Variants in ODAPH observed in about 807,000 individuals in gnomAD.
ODAPH encodes the protein amelogenesis imperfecta type IIA4.
ODAPH carries 2 observed loss-of-function variants against 2.8 expected under a neutral mutation model. That is an observed-to-expected ratio of 0.72 (90% CI 0.30 to 2.28). The LOEUF (loss-of-function observed/expected upper bound fraction) is 2.28. Among genes scored for constraint, ODAPH ranks in the 30% most tolerant of loss-of-function variants. The pLI is 0.13. For missense variants in ODAPH, 159 were observed against 163.3 expected (o/e 0.97, Z 0.14); for synonymous variants, 75 against 60.3 (o/e 1.24, Z -1.13).
rs78499275 is a variant in ODAPH at position 75,559,168 on chromosome 4, G to A, written c.67+3019G>A. Among the ~76,000 whole-genome samples the A allele has an allele frequency of 3.3e-3, 495 of 152,296 alleles. 2 individuals are homozygous for A. Among genetic ancestry groups the A allele is most frequent in the African/African-American group, 0.011 (476 of 41,550 alleles). On this transcript the variant is annotated intron_variant, in intron 1 of 1. Coordinates refer to ENST00000311623, the MANE Select transcript of ODAPH (RefSeq NM_178497.5). ...GACTATTCTAGGTGCTGGAGACACC[G>A]GCAGTGACCAAGAGTCAACAGTCCC... is the stretch of plus-strand genomic sequence containing the variant.
chr4:75,556,493 T>C, intron 1 of ODAPH: 1 of 1,464,492 alleles, frequency 6.8e-7, no homozygotes, highest in Non-Finnish European at 9.2e-7. Flanking sequence ...ACTGTACAAA[T>C]ACTAGTTATT....
At chr4:75,560,787 G>A (rs971283998) in intron 1 of ODAPH, among the ~76,000 whole-genome samples, 2 of 149,604 alleles carry the variant, frequency 1.3e-5, no homozygotes, top group African/African-American at 4.9e-5. Context: ...GTAGCTTCAG[G>A]TTTCTAGAAA....
At position 75,564,400 on chromosome 4, in the gene ODAPH, A is replaced by T. The variant is rs781447816; in HGVS notation, c.354A>T (p.Arg118Ser). 1.6e-5 allele frequency: 26 copies of T among 1,614,056 alleles called. No individual in the cohort carries two copies. The highest frequency in any genetic ancestry group is 5.0e-5 in the Admixed American group (3 of 59,994). Residue 118 changes from arginine to serine, a missense_variant, in exon 2 of 2, where the codon AGA becomes AGT. Coordinates refer to ENST00000311623, the MANE Select transcript of ODAPH (RefSeq NM_178497.5). ...ACCTTACTTATAGGTATTTCCCCAG[A>T]AGAAGACTCCAGAGAGGAAGCTCAT... ...HRYLTYRYFPRRRLQRGSSSE... is the reference protein window; with the variant it reads ...HRYLTYRYFPSRRLQRGSSSE...
At chr4:75,561,649 C>T (rs1216891183) in intron 1 of ODAPH, among the ~76,000 whole-genome samples, 1 of 152,168 alleles carries the variant, frequency 6.6e-6, no homozygotes, top group Non-Finnish European at 1.5e-5. Context: ...GAGTTTGAGA[C>T]CAGCCTGGCC....
At chr4:75,562,500 C>T (rs1341465433) in intron 1 of ODAPH, among the ~76,000 whole-genome samples, 1 of 151,838 alleles carries the variant, frequency 6.6e-6, no homozygotes, top group Non-Finnish European at 1.5e-5. Flanking sequence ...CCACCACGCC[C>T]GGCTAATTTT....
rs748742029 is a variant in ODAPH, at chr4:75,564,339, G to A, written c.293G>A (p.Arg98His). The A allele has an allele frequency of 3.1e-6, 5 of 1,613,940 alleles. No homozygotes were observed. The African/African-American group carries it at 4.0e-5, about 13-fold the overall frequency. The change falls in exon 2 of 2, where the codon CGT becomes CAT. Residue 98 changes from arginine to histidine, a missense_variant. Physicochemically the swap from Arg to His is conservative, Grantham distance 29. Coordinates refer to ENST00000311623, the MANE Select transcript of ODAPH (RefSeq NM_178497.5). The stretch of plus-strand genomic sequence containing the variant: ...TTCGTCCCTTCAAGGTGTAACCACC[G>A]TTTTCCATTCCAGCCATTTTATTGG... ...RPFVPSRCNHRFPFQPFYWPH... is the reference protein window; with the variant it reads ...RPFVPSRCNHHFPFQPFYWPH...
At chr4:75,556,531 T>C (rs1344024537) in intron 1 of ODAPH, 2 of 1,534,006 alleles carry the variant, frequency 1.3e-6, no homozygotes, top group South Asian at 1.2e-5. Context: ...AATTCCACTT[T>C]GAATTACAGC....
intron 1 of ODAPH, among the ~76,000 whole-genome samples, chr4:75,563,005 CTTTTTTTTTTTTTTTTTTTTTT>C (rs542417085): frequency 1.7e-5 from 1 of 59,536 alleles, no homozygotes; most frequent in Non-Finnish European, 3.1e-5. Flanking sequence ...ATCCACACAT[CTTTTTTTTTTTTTTTTTTTTTT>C]TTTTTTTTTT....
At chr4:75,556,212 A>T (rs1204380424) in intron 1 of ODAPH, 63 bp downstream of exon 1, 3 of 1,453,386 alleles carry the variant, frequency 2.1e-6, no homozygotes, top group South Asian at 2.3e-5. Flanking sequence ...GAAAAGACAA[A>T]ACTGGCTCCA....
chr4:75,560,144 T>A (rs1167343341), intron 1 of ODAPH, among the ~76,000 whole-genome samples: 1 of 152,058 alleles, frequency 6.6e-6, no homozygotes, highest in Non-Finnish European at 1.5e-5. Flanking sequence ...TAGATTCCAA[T>A]GGATTAAATA....
chr4:75,562,632 A>G (rs1727627069), intron 1 of ODAPH, among the ~76,000 whole-genome samples: 1 of 152,094 alleles, frequency 6.6e-6, no homozygotes. Context: ...AGTTCATTTT[A>G]TCATCATTCA....
intron 1 of ODAPH, among the ~76,000 whole-genome samples, chr4:75,556,925 C>G (rs879479841): frequency 6.6e-6 from 1 of 152,156 alleles, no homozygotes; most frequent in African/African-American, 2.4e-5. Flanking sequence ...AGGAGTCAAA[C>G]AGAGCACTTC....
chr4:75,556,475 C>T lies in ODAPH; in HGVS notation c.67+326C>T, dbSNP rs181648437. On this transcript the variant is annotated intron_variant, in intron 1 of 1. Transcript: ENST00000311623. ...TATCATCTGTGAAAAACTCTTCAAGCTAAAAACACTGTACAAATACTAGTT... is the reference window on the plus strand; with the variant it reads ...TATCATCTGTGAAAAACTCTTCAAGTTAAAAACACTGTACAAATACTAGTT... 38 of 1,383,060 alleles carry T rather than the reference C, an allele frequency of 2.7e-5. No homozygotes were observed. In the African/African-American group the frequency reaches 5.0e-4, roughly 18 times the overall value. 85.7% of individuals were successfully genotyped at this position (1,383,060 alleles called of 1,614,324 possible).
intron 1 of ODAPH, 25 bp downstream of exon 1, chr4:75,556,174 T>G (rs1351854897): frequency 6.2e-7 from 1 of 1,607,086 alleles, no homozygotes; most frequent in Admixed American, 1.7e-5. Context: ...TTTATTCTAC[T>G]GTGGGTCCAC....
chr4:75,563,019 T>G (rs1330227239), intron 1 of ODAPH, among the ~76,000 whole-genome samples: 12 of 103,326 alleles, frequency 1.2e-4, no homozygotes, highest in African/African-American at 3.0e-4. Context: ...TTTTTTTTTT[T>G]TTTTTTTTTT....
downstream of ODAPH, chr4:75,565,110 C>T (rs1430686385): frequency 2.6e-5 from 4 of 154,638 alleles, no homozygotes; most frequent in African/African-American, 7.2e-5. Context: ...AATTCTCTTG[C>T]CTCAGCCTCC....
chr4:75,559,842 G>C (rs150864693), intron 1 of ODAPH, among the ~76,000 whole-genome samples: 1 of 152,168 alleles, frequency 6.6e-6, no homozygotes, highest in Admixed American at 6.5e-5. Flanking sequence ...TCTACAAGAC[G>C]GTCACGTAGA....
In ODAPH at chr4:75,556,365, A is replaced by C. The variant is rs17214392; in HGVS notation, c.67+216A>C. Reference sequence around the variant, plus strand: ...GCTCTGTGACTTTAGACACACTTAAAATCTCTGAGTATCAGATTCCTCATA... The same window carrying C: ...GCTCTGTGACTTTAGACACACTTAACATCTCTGAGTATCAGATTCCTCATA... On this transcript the variant is annotated intron_variant, in intron 1 of 1. Transcript: ENST00000311623. 0.21 allele frequency among the ~76,000 whole-genome samples: 31,794 copies of C among 152,116 alleles called. 3,473 individuals carry two copies. Among genetic ancestry groups the C allele is most frequent in the Middle Eastern group, 0.38 (110 of 292 alleles).
Position 75,564,211 on chromosome 4 carries a change from G to A in ODAPH, c.165G>A (p.Arg55=), listed in dbSNP as rs748630487. ...CACTCACCCCTCCACCTGCCCCGAG[G>A]AGTCCGGTCACAAGGGCCCAGCCCA... ...IFTLTPPPAP[R]SPVTRAQPIT... The change falls in exon 2 of 2, where the codon AGG becomes AGA. Residue 55 remains arginine, a synonymous_variant. Transcript: ENST00000311623. 12 of 1,614,150 alleles carry A rather than the reference G, an allele frequency of 7.4e-6. No individual in the cohort carries two copies. The East Asian group carries it at 1.6e-4, about 21-fold the overall frequency.
Sources: gnomAD v4.1 joint callset for allele counts (sites outside exome capture counted in the v4.1 genomes callset) on GRCh38, gnomAD v4.1.1 for gene constraint, MANE v1.5 for transcripts, NCBI Gene and HGNC (gene_info 2026-07-23, HGNC 2026-07-21) for gene names.